Variants in PTPRG observed in about 807,000 individuals in gnomAD.
PTPRG encodes receptor-type tyrosine-protein phosphatase gamma.
Under a neutral mutation model 165.3 loss-of-function variants are expected in PTPRG, and 102 were observed. That is an observed-to-expected ratio of 0.62 (90% CI 0.53 to 0.73). The LOEUF is 0.73. Among genes scored for constraint, PTPRG ranks in the 30% least tolerant of loss-of-function variants. The pLI is 0.00. For missense variants in PTPRG, 1,866 were observed against 1,861.4 expected (o/e 1.00, Z -0.05); for synonymous variants, 675 against 669.5 (o/e 1.01, Z -0.13).
At position 62,237,813 on chromosome 3, in the gene PTPRG, G is replaced by C. The variant is rs1701066410; in HGVS notation, c.2376-5994G>C. Among the ~76,000 whole-genome samples, 2 of 152,154 alleles carry C rather than the reference G, an allele frequency of 1.3e-5. No individual in the cohort carries two copies. Among genetic ancestry groups the C allele is most frequent in the Non-Finnish European group, 2.9e-5 (2 of 68,020 alleles). On this transcript the variant is annotated intron_variant, in intron 14 of 29. Coordinates refer to ENST00000474889, the MANE Select transcript of PTPRG (RefSeq NM_002841.4). The surrounding 1 kb of genome is among the most constrained non-coding windows in gnomAD (Gnocchi z 4.5). ...GTGTGGGTTGTGGGCTTGAGACCCAGAAAACTGCTAACCAGATGCCATACA... is the reference window on the plus strand; with the variant it reads ...GTGTGGGTTGTGGGCTTGAGACCCACAAAACTGCTAACCAGATGCCATACA...
intron 1 of PTPRG, among the ~76,000 whole-genome samples, chr3:61,617,129 T>G (rs1301619329): frequency 6.6e-6 from 1 of 152,202 alleles, no homozygotes; most frequent in African/African-American, 2.4e-5. Flanking sequence ...AGCTACCAAC[T>G]GAAACAAGTC....
intron 2 of PTPRG, among the ~76,000 whole-genome samples, chr3:61,977,959 A>C (rs926202132): frequency 1.3e-5 from 2 of 152,190 alleles, no homozygotes; most frequent in Non-Finnish European, 2.9e-5. Flanking sequence ...AATGAATTCC[A>C]GACTATTTCA....
intron 1 of PTPRG, among the ~76,000 whole-genome samples, chr3:61,723,579 T>G (rs2032137171): frequency 6.6e-6 from 1 of 152,202 alleles, no homozygotes; most frequent in South Asian, 2.1e-4. Context: ...ATATATATTA[T>G]TAAAAATACC....
chr3:62,075,793 T>C (rs1426453440), intron 4 of PTPRG, among the ~76,000 whole-genome samples: 3 of 152,198 alleles, frequency 2.0e-5, no homozygotes, highest in Non-Finnish European at 2.9e-5. Context: ...GGGGTGTGGT[T>C]GTTCAGTCTA....
At position 62,294,661 on chromosome 3, in the gene PTPRG, A is replaced by G. The variant is rs1166047097; in HGVS notation, c.*1354A>G. ...TGGGAAAATTAGGAGCATTAATAAG[A>G]AATTTCAGTAGTGTTTGTAAGGAAA... On this transcript the variant is annotated 3_prime_UTR_variant, in exon 30 of 30. Coordinates refer to ENST00000474889, the MANE Select transcript of PTPRG (RefSeq NM_002841.4). The G allele has an allele frequency of 1.3e-5, 2 of 152,130 alleles. No individual in the cohort carries two copies. The highest frequency in any genetic ancestry group is 2.9e-5 in the Non-Finnish European group (2 of 68,012). The allele number at this position is 152,130 out of a possible 1,614,324, so 9.4% of individuals were successfully genotyped here. A position where few individuals can be genotyped will look rare whatever the true frequency, so the allele number is the denominator to read the frequency against.
intron 1 of PTPRG, among the ~76,000 whole-genome samples, chr3:61,620,932 C>A (rs1017163743): frequency 2.6e-5 from 4 of 151,598 alleles, no homozygotes; most frequent in Non-Finnish European, 5.9e-5. Context: ...CCCGGCCTTA[C>A]AGTTACTCTT....
rs1265309755 is a variant in PTPRG, at chr3:62,028,443, GTTCA to G, written c.519+24951_519+24954del. 2.6e-5 allele frequency among the ~76,000 whole-genome samples: 4 copies of G among 152,248 alleles called. 1 individual carries two copies. The highest frequency in any genetic ancestry group is 9.6e-5 in the African/African-American group (4 of 41,560). On this transcript the variant is annotated intron_variant, in intron 4 of 29. Coordinates refer to ENST00000474889, the MANE Select transcript of PTPRG (RefSeq NM_002841.4). ...ATGTGTGGTTTCATTAAATCCTGTT[GTTCA>G]TTCAGTCAGAAGAAAATTGTTTAGT...
At chr3:61,791,274 G>A (rs1276099656) in intron 2 of PTPRG, among the ~76,000 whole-genome samples, 1 of 152,146 alleles carries the variant, frequency 6.6e-6, no homozygotes, top group East Asian at 1.9e-4. Flanking sequence ...ACAATGTATT[G>A]TTTCTTAGAT....
At chr3:61,600,482 C>T (rs1700833710) in intron 1 of PTPRG, among the ~76,000 whole-genome samples, 1 of 151,968 alleles carries the variant, frequency 6.6e-6, no homozygotes, top group Non-Finnish European at 1.5e-5. Flanking sequence ...AAACCTTTTA[C>T]TTTGTCTTTT....
At chr3:61,858,322 C>A (rs2037170961) in intron 2 of PTPRG, among the ~76,000 whole-genome samples, 2 of 152,158 alleles carry the variant, frequency 1.3e-5, no homozygotes, top group Admixed American at 1.3e-4. Context: ...GAATGTATTT[C>A]AATCGTTTTT....
intron 4 of PTPRG, among the ~76,000 whole-genome samples, chr3:62,064,183 G>A (rs1700919937): frequency 6.6e-6 from 1 of 151,930 alleles, no homozygotes; most frequent in African/African-American, 2.4e-5. Flanking sequence ...TTAAACAGTT[G>A]GGATAAACCA....
intron 18 of PTPRG, 93 bp from the exon 19 acceptor site, chr3:62,267,592 A>T: frequency 6.5e-7 from 1 of 1,537,304 alleles, no homozygotes; most frequent in East Asian, 2.3e-5. Flanking sequence ...TTCACTAAAA[A>T]CAAAGCCCAT....
At chr3:62,015,264 C>G (rs537924758) in intron 4 of PTPRG, among the ~76,000 whole-genome samples, 103 of 152,236 alleles carry the variant, frequency 6.8e-4, no homozygotes, top group Non-Finnish European at 1.3e-3. Context: ...GAGACAGGAG[C>G]CTGCCTGGCC....
At chr3:61,730,127 G>T (rs1301438744) in intron 1 of PTPRG, among the ~76,000 whole-genome samples, 1 of 152,206 alleles carries the variant, frequency 6.6e-6, no homozygotes, top group Non-Finnish European at 1.5e-5. Flanking sequence ...GGGCATGTAA[G>T]TTGCTGGTGC....
chr3:61,758,450 A>C (rs993404476), intron 2 of PTPRG, among the ~76,000 whole-genome samples: 14 of 152,028 alleles, frequency 9.2e-5, no homozygotes, highest in African/African-American at 3.4e-4. Context: ...AAATTATCTT[A>C]GTTTATTATT....
chr3:61,874,801 G>T (rs1362073961), intron 2 of PTPRG, among the ~76,000 whole-genome samples: 1 of 152,154 alleles, frequency 6.6e-6, no homozygotes, highest in Non-Finnish European at 1.5e-5. Context: ...AGGATGAGAC[G>T]CCCTGCCCTA....
At chr3:61,852,905 C>T (rs930592519) in intron 2 of PTPRG, among the ~76,000 whole-genome samples, 18 of 152,176 alleles carry the variant, frequency 1.2e-4, no homozygotes, top group Admixed American at 7.2e-4. Context: ...AAAAGCTGGA[C>T]GTCTCAAAGA....
intron 1 of PTPRG, among the ~76,000 whole-genome samples, chr3:61,664,332 G>A (rs1702748038): frequency 6.6e-6 from 1 of 152,196 alleles, no homozygotes; most frequent in Non-Finnish European, 1.5e-5. Context: ...AACTGATGGG[G>A]TGGCTGAGCC....
intron 2 of PTPRG, among the ~76,000 whole-genome samples, chr3:61,910,453 T>C (rs1357261927): frequency 2.0e-5 from 3 of 152,218 alleles, no homozygotes; most frequent in East Asian, 3.8e-4. Flanking sequence ...CTCACTGTTT[T>C]ACCTTGCCTT....
Sources: gnomAD v4.1 joint callset for allele counts (sites outside exome capture counted in the v4.1 genomes callset) on GRCh38, gnomAD v4.1.1 for gene constraint, Gnocchi (gnomAD v3.1) non-coding constraint, MANE v1.5 for transcripts, NCBI Gene and HGNC (gene_info 2026-07-23, HGNC 2026-07-21) for gene names.